RREB1: variants seen among roughly 807,000 people sequenced by gnomAD.
RREB1 encodes the protein ras responsive element binding protein 1, also known as ras-responsive element-binding protein 1.
RREB1 carries 27 observed loss-of-function variants against 117.8 expected under a neutral mutation model. The ratio of observed to expected loss-of-function variants is 0.23; its 90% CI spans 0.17 to 0.32. The LOEUF (loss-of-function observed/expected upper bound fraction) is 0.32, where lower values mean the gene tolerates loss of function less well. Among genes scored for constraint, RREB1 ranks in the 10% least tolerant of loss-of-function variants. The pLI, the probability that RREB1 is intolerant of heterozygous loss-of-function variation, is 1.00. For synonymous variants in RREB1, 1,298 were observed against 1,026.7 expected, an observed-to-expected ratio of 1.26 and a Z score of -5.05; for missense variants, 2,577 against 2,378.2, an observed-to-expected ratio of 1.08 and a Z score of -1.74.
intron 10 of RREB1, among the ~76,000 whole-genome samples, chr6:7,237,637 G>T (rs866283997): frequency 8.5e-5 from 13 of 152,306 alleles, no homozygotes; most frequent in African/African-American, 3.1e-4. Flanking sequence ...TTCTAAAGCA[G>T]TTATTCGTGG....
chr6:7,222,766 A>G (rs1165484655), intron 8 of RREB1, among the ~76,000 whole-genome samples: 1 of 152,064 alleles, frequency 6.6e-6, no homozygotes, highest in East Asian at 1.9e-4. Context: ...GTTCAAGGCC[A>G]GTCTGGGCAA....
At chr6:7,196,944 C>T (rs1765704926) in intron 6 of RREB1, among the ~76,000 whole-genome samples, 1 of 152,192 alleles carries the variant, frequency 6.6e-6, no homozygotes, top group African/African-American at 2.4e-5. Context: ...GTGGATCCAG[C>T]TTTTAACTTC....
At chr6:7,225,086 C>T (rs1464527322) in intron 8 of RREB1, among the ~76,000 whole-genome samples, 1 of 152,178 alleles carries the variant, frequency 6.6e-6, no homozygotes, top group East Asian at 1.9e-4. Flanking sequence ...TGGCTGACTT[C>T]GTTATCTCTT....
intron 1 of RREB1, among the ~76,000 whole-genome samples, chr6:7,136,516 C>A (rs540059907): frequency 6.6e-6 from 1 of 152,162 alleles, no homozygotes; most frequent in African/African-American, 2.4e-5. Flanking sequence ...GCTCCAGCAA[C>A]CCGCTATCCT....
intron 4 of RREB1, chr6:7,184,994 C>T (rs968008473): frequency 7.2e-5 from 11 of 152,172 alleles, no homozygotes; most frequent in African/African-American, 2.7e-4. Flanking sequence ...TTATGTCTTA[C>T]TTTGTTGCTG....
At chr6:7,122,963 A>G (rs957096626) in intron 1 of RREB1, among the ~76,000 whole-genome samples, 5 of 152,212 alleles carry the variant, frequency 3.3e-5, no homozygotes, top group Non-Finnish European at 5.9e-5. Flanking sequence ...AGTGCTGGAT[A>G]GTGGTGACCA....
chr6:7,150,301 T>C (rs1460082086), intron 1 of RREB1, among the ~76,000 whole-genome samples: 2 of 152,196 alleles, frequency 1.3e-5, no homozygotes, highest in Admixed American at 6.5e-5. Context: ...TATTAGCTTT[T>C]AATACTACTG....
chr6:7,153,264 G>A (rs926004069), intron 1 of RREB1, among the ~76,000 whole-genome samples: 24 of 151,712 alleles, frequency 1.6e-4, no homozygotes, highest in African/African-American at 5.8e-4. Context: ...GTAGCTTTGT[G>A]GTTAAATTCT....
intron 1 of RREB1, among the ~76,000 whole-genome samples, chr6:7,158,865 C>CT (rs369346517): frequency 0.029 from 4,299 of 149,000 alleles, 82 homozygotes; most frequent in South Asian, 0.044. Context: ...TTTTCAGACT[C>CT]TTTTTTTTTT....
chr6:7,200,225 T>G (rs1383854510), intron 6 of RREB1, among the ~76,000 whole-genome samples: 4 of 151,298 alleles, frequency 2.6e-5, no homozygotes, highest in African/African-American at 9.7e-5. Context: ...TGTGTATATA[T>G]ATATATGTAT....
intron 8 of RREB1, among the ~76,000 whole-genome samples, chr6:7,220,938 C>A (rs1355020955): frequency 6.6e-6 from 1 of 152,164 alleles, no homozygotes; most frequent in Non-Finnish European, 1.5e-5. Flanking sequence ...GGCTTTGCAT[C>A]CAGCAGCTCC....
chr6:7,128,977 A>G (rs1051666214), intron 1 of RREB1, among the ~76,000 whole-genome samples: 1 of 152,222 alleles, frequency 6.6e-6, no homozygotes, highest in African/African-American at 2.4e-5. Context: ...TCAAAAAAAA[A>G]GTTATGCTTT....
chr6:7,172,405 C>T (rs368342616), intron 1 of RREB1, among the ~76,000 whole-genome samples: 5 of 151,626 alleles, frequency 3.3e-5, no homozygotes, highest in Admixed American at 2.6e-4. Context: ...TGCATCCCCC[C>T]ACCCCGGCTT....
chr6:7,193,544 G>C (rs924753453), intron 6 of RREB1, among the ~76,000 whole-genome samples: 9 of 152,190 alleles, frequency 5.9e-5, no homozygotes, highest in African/African-American at 2.2e-4. Context: ...CACAGATTGA[G>C]TACCCCATAT....
intron 1 of RREB1, among the ~76,000 whole-genome samples, chr6:7,173,762 A>G (rs1481213428): frequency 1.3e-5 from 2 of 152,082 alleles, no homozygotes; most frequent in Admixed American, 1.3e-4. Flanking sequence ...CAGAGGTTAC[A>G]GGCTTTCAGC....
chr6:7,184,647 A>G (rs962376386), intron 4 of RREB1: 1 of 152,200 alleles, frequency 6.6e-6, no homozygotes, highest in African/African-American at 2.4e-5. Flanking sequence ...CCTGCAGCAC[A>G]GCACTGCCAG....
chr6:7,248,933 G>C lies in RREB1; in HGVS notation c.5194G>C (p.Ala1732Pro), dbSNP rs1460135781. 6.6e-7 allele frequency: 1 copy of C among 1,511,052 alleles called. No individual in the cohort carries two copies. The highest frequency in any genetic ancestry group is 8.8e-7 in the Non-Finnish European group (1 of 1,131,788). The allele number at this position is 1,511,052 out of a possible 1,614,324, so 93.6% of individuals were successfully genotyped here. A position where few individuals can be genotyped will look rare whatever the true frequency, so the allele number is the denominator to read the frequency against. ...KRPAHPILAT[A>P]DGASQLVGME ...GCCTGCCCACCCAATCCTGGCCACAGCTGATGGCGCCTCCCAGCTCGTGGG... is the reference window on the plus strand; with the variant it reads ...GCCTGCCCACCCAATCCTGGCCACACCTGATGGCGCCTCCCAGCTCGTGGG... The change falls in exon 13 of 13, where the codon GCT (alanine) becomes CCT (proline). Residue 1732 changes from alanine (A) to proline (P), a missense_variant. Physicochemically the swap from Ala to Pro is conservative, Grantham distance 27. Coordinates refer to ENST00000379938, the MANE Select transcript of RREB1 (RefSeq NM_001003699.4).
chr6:7,196,206 GTTTTTTTTTTC>G (rs1561774765), intron 6 of RREB1, among the ~76,000 whole-genome samples: 124 of 129,776 alleles, frequency 9.6e-4, no homozygotes, highest in African/African-American at 3.3e-3. Context: ...TTGTTTTTTG[GTTTTTTTTTTC>G]GTTTTTTTTT....
chr6:7,119,483 C>G (rs924891222), intron 1 of RREB1, among the ~76,000 whole-genome samples: 2 of 152,074 alleles, frequency 1.3e-5, no homozygotes, highest in South Asian at 4.1e-4. Context: ...AAGGAAGGCA[C>G]CTTGTGGAAG....
Sources: gnomAD v4.1 joint callset for allele counts (sites outside exome capture counted in the v4.1 genomes callset) on GRCh38, gnomAD v4.1.1 for gene constraint, MANE v1.5 for transcripts, NCBI Gene and HGNC (gene_info 2026-07-23, HGNC 2026-07-21) for gene names.